The following CEP290 variants were observed in gnomAD, a reference collection of about 807,000 sequenced individuals.
CEP290 encodes centrosomal protein of 290 kDa.
In CEP290, 317 loss-of-function variants were observed where a neutral mutation model predicts 344.9. That is an observed-to-expected ratio of 0.92 (90% CI 0.84 to 1.01). The LOEUF (loss-of-function observed/expected upper bound fraction) is 1.01. Ranked by LOEUF, CEP290 falls within the 50% of genes least tolerant of loss-of-function variation. The pLI is 0.00. For missense variants in CEP290, 2,754 were observed against 2,761.4 expected, an observed-to-expected ratio of 1.00 and a Z score of 0.06; for synonymous variants, 932 against 895.8, an observed-to-expected ratio of 1.04 and a Z score of -0.72.
At chr12:88,093,618 T>C (rs2037209005) in intron 28 of CEP290, 152 bp downstream of exon 28, 4 of 569,608 alleles carry the variant, frequency 7.0e-6, no homozygotes, top group Non-Finnish European at 1.2e-5. Context: ...ACAATTCAGA[T>C]TTAAATCTTT....
At chr12:88,077,083 T>C in intron 41 of CEP290, 139 bp downstream of exon 41, 1 of 778,612 alleles carries the variant, frequency 1.3e-6, no homozygotes. Flanking sequence ...TCAATACTGC[T>C]TATAGTCCTC....
At chr12:88,122,920 ATCT>A (rs1163861856) in intron 13 of CEP290, among the ~76,000 whole-genome samples, 86 of 152,210 alleles carry the variant, frequency 5.7e-4, no homozygotes, top group Non-Finnish European at 8.8e-5. Context: ...CTTATGAAAC[ATCT>A]TCTCCTATCC....
intron 44 of CEP290, 33 bp from the exon 45 acceptor site, chr12:88,064,148 A>G: frequency 6.7e-7 from 1 of 1,495,810 alleles, no homozygotes; most frequent in African/African-American, 1.4e-5. Flanking sequence ...ATATTTTTAA[A>G]GTTTAATAAA....
intron 38 of CEP290, among the ~76,000 whole-genome samples, chr12:88,079,800 A>G (rs901897818): frequency 6.6e-6 from 1 of 152,088 alleles, no homozygotes; most frequent in Non-Finnish European, 1.5e-5. Context: ...TGTCATTATC[A>G]TACTTCCCTC....
chr12:88,111,217 T>G lies in CEP290; in HGVS notation c.2352A>C (p.Leu784Phe), dbSNP rs1305783046. 7.1e-7 allele frequency: 1 copy of G among 1,403,222 alleles called. No individual in the cohort carries two copies. Among genetic ancestry groups the G allele is most frequent in the Admixed American group, 3.2e-5 (1 of 31,706 alleles). The allele number at this position is 1,403,222 out of a possible 1,614,324, so 86.9% of individuals were successfully genotyped here. A position where few individuals can be genotyped will look rare whatever the true frequency, so the allele number is the denominator to read the frequency against. ...ASIINSQNEY[L>F]IHLLQELENK... ...TTTTCAATACCTGTAACAAATGTATTAAATATTCATTCTGAGAATTAATGA... is the reference window on the plus strand; with the variant it reads ...TTTTCAATACCTGTAACAAATGTATGAAATATTCATTCTGAGAATTAATGA... Residue 784 changes from leucine (L) to phenylalanine (F), a missense_variant, in exon 22 of 54, where the codon TTA becomes TTC. Transcript: ENST00000552810.
intron 41 of CEP290, among the ~76,000 whole-genome samples, chr12:88,072,587 T>A (rs1220507670): frequency 1.3e-5 from 2 of 152,196 alleles, no homozygotes; most frequent in Non-Finnish European, 2.9e-5. Context: ...CAATCATGAC[T>A]AGAGTAAGCT....
intron 4 of CEP290, among the ~76,000 whole-genome samples, 152 bp from the exon 5 acceptor site, chr12:88,139,343 T>C (rs917401849): frequency 6.0e-5 from 9 of 151,214 alleles, no homozygotes; most frequent in South Asian, 2.1e-4. Flanking sequence ...ATCCATAAAA[T>C]AGGAGTCTAG....
intron 26 of CEP290, among the ~76,000 whole-genome samples, chr12:88,098,651 A>T (rs1459926949): frequency 6.6e-6 from 1 of 152,150 alleles, no homozygotes; most frequent in Non-Finnish European, 1.5e-5. Context: ...ATAAAAACAG[A>T]GTACTGAGCC....
chr12:88,063,491 A>C (rs2034645532), intron 45 of CEP290, among the ~76,000 whole-genome samples: 1 of 152,068 alleles, frequency 6.6e-6, no homozygotes, highest in Non-Finnish European at 1.5e-5. Flanking sequence ...GGACATCTGA[A>C]CTTGCTATTT....
intron 15 of CEP290, 65 bp from the exon 16 acceptor site, chr12:88,118,808 T>G: frequency 9.1e-7 from 1 of 1,103,504 alleles, no homozygotes; most frequent in Non-Finnish European, 1.3e-6. Context: ...AAATGTCATA[T>G]ACCATCAAGC....
intron 49 of CEP290, among the ~76,000 whole-genome samples, chr12:88,056,517 A>T (rs186801002): frequency 6.6e-6 from 1 of 152,220 alleles, no homozygotes; most frequent in African/African-American, 2.4e-5. Context: ...TTAGATTAGA[A>T]GGGAATGTTT....
Position 88,062,794 on chromosome 12 carries a change from C to G in CEP290, c.6271-16G>C. 1 of 1,472,570 alleles carries G rather than the reference C, an allele frequency of 6.8e-7. No individual in the cohort carries two copies. Among genetic ancestry groups the G allele is most frequent in the Non-Finnish European group, 9.3e-7 (1 of 1,070,724 alleles). 91.2% of individuals were successfully genotyped at this position (1,472,570 alleles called of 1,614,324 possible). Reference sequence around the variant, plus strand: ...TGACTTGATTCTGAAAGATAACAAGCAAACATGTAATAATTTAACATAGCT... The same window carrying G: ...TGACTTGATTCTGAAAGATAACAAGGAAACATGTAATAATTTAACATAGCT... On this transcript the variant is annotated splice_polypyrimidine_tract_variant and intron_variant, in intron 45 of 53. Coordinates refer to ENST00000552810, the MANE Select transcript of CEP290 (RefSeq NM_025114.4).
At chr12:88,112,038 T>C (rs1444380181) in intron 20 of CEP290, among the ~76,000 whole-genome samples, 180 bp from the exon 21 acceptor site, 1 of 152,136 alleles carries the variant, frequency 6.6e-6, no homozygotes, top group East Asian at 1.9e-4. Context: ...TTCATTTACA[T>C]TACCAAGCAT....
rs761488793 is a variant in CEP290, at chr12:88,064,050, C to A, written c.6201G>T (p.Lys2067Asn). 3 of 1,593,158 alleles carry A rather than the reference C, an allele frequency of 1.9e-6. No homozygotes were observed. The highest frequency in any genetic ancestry group is 2.3e-5 in the South Asian group (2 of 87,882). ...TCAGTTCAATATTTTCAGATGACAA[C>A]TTCAAGTTTTCCTTCTGAAGCTCCT... ...REQELQKENL[K>N]LSSENIELKF... Residue 2067 changes from lysine to asparagine, a missense_variant, in exon 45 of 54, where the codon AAG becomes AAT. Coordinates refer to ENST00000552810, the MANE Select transcript of CEP290 (RefSeq NM_025114.4).
chr12:88,098,804 A>G (rs1197546760), intron 26 of CEP290, among the ~76,000 whole-genome samples: 1 of 152,176 alleles, frequency 6.6e-6, no homozygotes, highest in Non-Finnish European at 1.5e-5. Flanking sequence ...CATTTGGAAT[A>G]CTATAAGATC....
intron 2 of CEP290, 35 bp from the exon 3 acceptor site, chr12:88,141,068 A>G (rs2040624016): frequency 6.7e-7 from 1 of 1,492,970 alleles, no homozygotes; most frequent in Non-Finnish European, 9.0e-7. Flanking sequence ...TTTATATTTT[A>G]TAACCTTCAA....
At position 88,085,657 on chromosome 12, in the gene CEP290, T is replaced by C. The variant is rs574551390; in HGVS notation, c.4437+382A>G. On this transcript the variant is annotated intron_variant, in intron 34 of 53. Transcript: ENST00000552810. ...GTAATTTCTAATTTACCTTCAACCC[T>C]TTAACCATGCATTAAAGGCAATGAA... Among the ~76,000 whole-genome samples the C allele has an allele frequency of 1.6e-3, 247 of 152,200 alleles. 6 individuals carry two copies. The highest frequency in any genetic ancestry group is 0.012 in the Admixed American group (187 of 15,298).
At chr12:88,139,648 T>C (rs993479012) in intron 3 of CEP290, 84 bp from the exon 4 acceptor site, 15 of 989,790 alleles carry the variant, frequency 1.5e-5, no homozygotes, top group East Asian at 5.8e-5. Flanking sequence ...TTATTTGTTA[T>C]GATCCTTAGT....
At chr12:88,116,923 G>T in intron 18 of CEP290, 110 bp downstream of exon 18, 1 of 538,226 alleles carries the variant, frequency 1.9e-6, no homozygotes, top group Non-Finnish European at 3.2e-6. Flanking sequence ...GCAGTGAGCC[G>T]AGATCGCGCC....
Sources: gnomAD v4.1 joint callset for allele counts (sites outside exome capture counted in the v4.1 genomes callset) on GRCh38, gnomAD v4.1.1 for gene constraint, MANE v1.5 for transcripts, NCBI Gene and HGNC (gene_info 2026-07-23, HGNC 2026-07-21) for gene names.